The following STOX2 variants were observed in gnomAD, a reference collection of about 807,000 sequenced individuals.
STOX2 encodes storkhead box 2.
STOX2 carries 28 observed loss-of-function variants against 60.9 expected under a neutral mutation model. The ratio of observed to expected loss-of-function variants is 0.46; its 90% CI spans 0.34 to 0.63. The LOEUF (loss-of-function observed/expected upper bound fraction) is 0.63, where lower values mean the gene tolerates loss of function less well. Ranked by LOEUF, STOX2 falls within the 30% of genes least tolerant of loss-of-function variation. The pLI is 0.01. For synonymous variants in STOX2, 472 were observed against 463.9 expected, an observed-to-expected ratio of 1.02 and a Z score of -0.22; for missense variants, 1,024 against 1,187.7, an observed-to-expected ratio of 0.86 and a Z score of 2.03.
chr4:183,891,237 C>T (rs1741200536), intron 1 of STOX2, among the ~76,000 whole-genome samples: 1 of 150,826 alleles, frequency 6.6e-6, no homozygotes, highest in Non-Finnish European at 1.5e-5. Context: ...CCCAAATGCC[C>T]ATTAATTAAT....
intron 1 of STOX2, among the ~76,000 whole-genome samples, chr4:183,844,318 T>G (rs533896739): frequency 6.6e-6 from 1 of 152,338 alleles, no homozygotes; most frequent in African/African-American, 2.4e-5. Flanking sequence ...GAGAACTCAT[T>G]TCTCTCTTTA....
rs57500213 is a variant in STOX2, at chr4:183,861,355, C to T, written c.364+63300C>T. Reference sequence around the variant, plus strand: ...CAGTGGGGCCCCTGTCTTTGTCTGGCCATTGCTGCTGTTTGCCGCCATGGT... The same window carrying T: ...CAGTGGGGCCCCTGTCTTTGTCTGGTCATTGCTGCTGTTTGCCGCCATGGT... On this transcript the variant is annotated intron_variant, in intron 1 of 2. Coordinates refer to the STOX2 transcript ENST00000513034. 7.4e-3 allele frequency among the ~76,000 whole-genome samples: 1,120 copies of T among 152,198 alleles called. 19 individuals are homozygous for T. Among genetic ancestry groups the T allele is most frequent in the African/African-American group, 0.026 (1,063 of 41,494 alleles).
chr4:183,823,500 A>G (rs1210755946), intron 1 of STOX2, among the ~76,000 whole-genome samples: 3 of 152,246 alleles, frequency 2.0e-5, no homozygotes, highest in African/African-American at 7.2e-5. Flanking sequence ...CTGTTACACA[A>G]TAAAAGACTT....
chr4:183,906,711 C>G lies in STOX2; in HGVS notation c.-80C>G, dbSNP rs935258176. ...GCGCAGAGTCCGCCCGGGTCGTGCC[C>G]GCCGTAGACGGATGAAGGAGCGCGC... On this transcript the variant is annotated 5_prime_UTR_variant, in exon 1 of 4. Coordinates refer to ENST00000308497, the MANE Select transcript of STOX2 (RefSeq NM_020225.3). The G allele has an allele frequency of 8.7e-6, 12 of 1,380,408 alleles. No homozygotes were observed. The highest frequency in any genetic ancestry group is 9.6e-6 in the Non-Finnish European group (10 of 1,046,366). 85.5% of individuals were successfully genotyped at this position (1,380,408 alleles called of 1,614,324 possible). A position where few individuals can be genotyped will look rare whatever the true frequency, so the allele number is the denominator to read the frequency against.
intron 2 of STOX2, among the ~76,000 whole-genome samples, chr4:184,004,308 A>G (rs1162686250): frequency 3.3e-5 from 5 of 152,216 alleles, no homozygotes; most frequent in African/African-American, 2.4e-5. Context: ...TCTTCCAGCA[A>G]AAATTTCTGG....
chr4:183,948,218 CAAAA>C (rs760286920), intron 1 of STOX2, among the ~76,000 whole-genome samples: 944 of 29,768 alleles, frequency 0.032, 4 homozygotes, highest in African/African-American at 0.12. Context: ...AACTCCATCT[CAAAA>C]AAAAAAAAAA....
chr4:183,804,980 C>T (rs1432194907), intron 1 of STOX2, among the ~76,000 whole-genome samples: 1 of 152,136 alleles, frequency 6.6e-6, no homozygotes, highest in Non-Finnish European at 1.5e-5. Flanking sequence ...TTGCCAAGTT[C>T]TTTTAAAAGG....
chr4:183,896,490 C>A (rs78485890), intron 1 of STOX2, among the ~76,000 whole-genome samples: 1,703 of 152,252 alleles, frequency 0.011, 28 homozygotes, highest in African/African-American at 0.039. Context: ...TACAGGTGCA[C>A]CCCACCATAC....
chr4:183,934,462 C>T (rs1742532056), intron 1 of STOX2, among the ~76,000 whole-genome samples: 1 of 152,076 alleles, frequency 6.6e-6, no homozygotes, highest in African/African-American at 2.4e-5. Flanking sequence ...ATATAAAGGC[C>T]TTTAGAAACT....
chr4:183,919,244 A>G (rs1430893358), intron 1 of STOX2, among the ~76,000 whole-genome samples: 1 of 152,212 alleles, frequency 6.6e-6, no homozygotes, highest in Non-Finnish European at 1.5e-5. Flanking sequence ...TTGGGATGCC[A>G]GAGGCGTAGT....
rs61730747 is a variant in STOX2 at position 184,010,935 on chromosome 4, C to T, written c.2097C>T (p.Ser699=). 0.039 allele frequency: 63,552 copies of T among 1,613,332 alleles called. 1,511 individuals carry two copies. The highest frequency in any genetic ancestry group is 0.088 in the African/African-American group (6,625 of 75,022). The change falls in exon 3 of 4, where the codon AGC becomes AGT. Residue 699 remains serine, a synonymous_variant. Coordinates refer to ENST00000308497, the MANE Select transcript of STOX2 (RefSeq NM_020225.3). This position sits in a 1 kb window ranked among gnomAD's most constrained non-coding sequence, Gnocchi z 4.5. Reference sequence around the variant, plus strand: ...TGGACAAGAGGAAAGAGATATTTAGCAAAGACACACTGTTCAAACCTCTTC... The same window carrying T: ...TGGACAAGAGGAAAGAGATATTTAGTAAAGACACACTGTTCAAACCTCTTC... The part of the protein sequence containing the change: ...SSLDKRKEIF[S]KDTLFKPLHS...
At chr4:183,968,436 A>T (rs1359851869) in intron 1 of STOX2, among the ~76,000 whole-genome samples, 2 of 151,950 alleles carry the variant, frequency 1.3e-5, no homozygotes, top group East Asian at 3.9e-4. Context: ...CTTTATGAGA[A>T]ATTTTCTTTG....
intron 1 of STOX2, among the ~76,000 whole-genome samples, chr4:183,832,839 G>A (rs919936154): frequency 6.6e-6 from 1 of 151,960 alleles, no homozygotes; most frequent in Non-Finnish European, 1.5e-5. Flanking sequence ...TCTGACTCTC[G>A]GCTCAATTAA....
chr4:184,008,655 T>C (rs186852389), intron 2 of STOX2, among the ~76,000 whole-genome samples: 3 of 152,318 alleles, frequency 2.0e-5, no homozygotes, highest in Admixed American at 2.0e-4. Context: ...AAATTAAGTT[T>C]ATTAAGTAAA....
chr4:183,860,652 G>A (rs995964732), intron 1 of STOX2, among the ~76,000 whole-genome samples: 4 of 152,176 alleles, frequency 2.6e-5, no homozygotes, highest in African/African-American at 9.7e-5. Context: ...GACAGGAAAC[G>A]TGGCAGAGGG....
At chr4:183,805,727 C>T (rs1738875149) in intron 1 of STOX2, among the ~76,000 whole-genome samples, 1 of 152,156 alleles carries the variant, frequency 6.6e-6, no homozygotes, top group Non-Finnish European at 1.5e-5. Context: ...GTGGGAGGAT[C>T]GTTTGAGCCT....
At chr4:183,839,049 G>GCACACACA (rs369296969) in intron 1 of STOX2, among the ~76,000 whole-genome samples, 1,836 of 148,614 alleles carry the variant, frequency 0.012, 36 homozygotes, top group Admixed American at 0.064. Context: ...AGGTACACAT[G>GCACACACA]CACACACACA....
chr4:184,012,364 A>G (rs749636011), intron 3 of STOX2, among the ~76,000 whole-genome samples: 2 of 152,250 alleles, frequency 1.3e-5, no homozygotes, highest in Non-Finnish European at 2.9e-5. Flanking sequence ...ATTTCTCATC[A>G]GCTATGATTC....
At chr4:183,890,352 T>C (rs2309930) in intron 1 of STOX2, among the ~76,000 whole-genome samples, 1 of 151,858 alleles carries the variant, frequency 6.6e-6, no homozygotes, top group East Asian at 1.9e-4. Context: ...GTGTGGCAGC[T>C]TGCACCTGTA....
Sources: gnomAD v4.1 joint callset for allele counts (sites outside exome capture counted in the v4.1 genomes callset) on GRCh38, gnomAD v4.1.1 for gene constraint, Gnocchi (gnomAD v3.1) non-coding constraint, MANE v1.5 for transcripts, NCBI Gene and HGNC (gene_info 2026-07-23, HGNC 2026-07-21) for gene names.